The following DMD variants were observed in gnomAD, a reference collection of about 807,000 sequenced individuals.
DMD encodes the protein dystrophin.
Under a neutral mutation model 330.1 loss-of-function variants are expected in DMD, and 63 were observed. The observed-to-expected ratio is 0.19, with a 90% CI of 0.16 to 0.24. The LOEUF is 0.24. Ranked by LOEUF, DMD falls within the 10% of genes least tolerant of loss-of-function variation. The pLI is 1.00. For missense variants in DMD, 3,344 were observed against 2,684.1 expected (o/e 1.25, Z -5.43); for synonymous variants, 1,223 against 959.8 (o/e 1.27, Z -5.07).
At chrX:31,396,548 G>GTTTT (rs56745544) in intron 60 of DMD, among the ~76,000 whole-genome samples, 23 of 66,041 alleles carry the variant, frequency 3.5e-4, no homozygotes, top group East Asian at 5.8e-4. Context: ...AAATCCCAGG[G>GTTTT]TTTTTTTTTT....
intron 30 of DMD, among the ~76,000 whole-genome samples, chrX:32,397,563 T>C (rs1232355882): frequency 8.9e-6 from 1 of 112,137 alleles, no homozygotes; most frequent in African/African-American, 3.2e-5. Flanking sequence ...CATTTGAGCA[T>C]GCAGTAACTA....
chrX:31,883,693 C>T (rs961189151), intron 47 of DMD, among the ~76,000 whole-genome samples: 16 of 110,750 alleles, frequency 1.4e-4, no homozygotes, highest in East Asian at 2.8e-4. Context: ...AAATATGTTG[C>T]GTCCATTAAA....
At chrX:32,636,855 G>T (rs964100935) in intron 11 of DMD, among the ~76,000 whole-genome samples, 6 of 109,506 alleles carry the variant, frequency 5.5e-5, no homozygotes, top group African/African-American at 1.0e-4. Flanking sequence ...AAAGTTAGCC[G>T]AGCGTGGTGG....
chrX:31,191,425 C>T (rs181505769), intron 67 of DMD, among the ~76,000 whole-genome samples: 2 of 111,532 alleles, frequency 1.8e-5, no homozygotes, highest in Non-Finnish European at 3.8e-5. Flanking sequence ...GCTGTGTCCC[C>T]ACCCAAATCT....
chrX:32,091,464 C>T (rs1481373476), intron 44 of DMD, among the ~76,000 whole-genome samples: 1 of 111,057 alleles, frequency 9.0e-6, no homozygotes, highest in Non-Finnish European at 1.9e-5. Context: ...GAAACCAATG[C>T]TCTGGATAAC....
chrX:31,190,896 C>T (rs2042277913), intron 67 of DMD, among the ~76,000 whole-genome samples: 2 of 111,596 alleles, frequency 1.8e-5, no homozygotes, highest in Non-Finnish European at 3.8e-5. Flanking sequence ...AAGCCGGCAA[C>T]TATCCTCTAC....
At chrX:31,849,130 A>C (rs1408030435) in intron 48 of DMD, among the ~76,000 whole-genome samples, 1 of 110,327 alleles carries the variant, frequency 9.1e-6, no homozygotes, top group East Asian at 2.8e-4. Context: ...TAACCTTAGA[A>C]TATATGATTA....
rs189988373 is a variant in DMD at position 32,943,403 on chromosome X, C to T, written c.93+76736G>A. On this transcript the variant is annotated intron_variant, in intron 2 of 78. Transcript: ENST00000357033. ...ATTTTAATATATATGCATATATAAG[C>T]GGGATCATAATACAGCATTATATGT... Among the ~76,000 whole-genome samples, 84 of 110,913 alleles carry T rather than the reference C, an allele frequency of 7.6e-4. 1 individual carries two copies. The highest frequency in any genetic ancestry group is 1.5e-3 in the South Asian group (4 of 2,647).
intron 51 of DMD, among the ~76,000 whole-genome samples, chrX:31,740,084 G>T (rs1012493194): frequency 2.7e-5 from 3 of 110,821 alleles, no homozygotes; most frequent in Admixed American, 9.6e-5. Flanking sequence ...TCACAAGCCA[G>T]TAAGTAAATA....
intron 42 of DMD, among the ~76,000 whole-genome samples, chrX:32,288,984 A>G (rs756147878): frequency 5.4e-5 from 6 of 111,749 alleles, no homozygotes; most frequent in Admixed American, 3.8e-4. Flanking sequence ...CTGGGCATGT[A>G]TTGGAATCAG....
At chrX:31,834,038 T>C (rs779191895) in intron 49 of DMD, among the ~76,000 whole-genome samples, 14 of 111,379 alleles carry the variant, frequency 1.3e-4, no homozygotes, top group Non-Finnish European at 2.4e-4. Context: ...TTTCCTCTTC[T>C]ATTAAGAGGT....
chrX:32,851,484 G>A (rs1258733250), intron 2 of DMD, among the ~76,000 whole-genome samples: 1 of 112,133 alleles, frequency 8.9e-6, no homozygotes. Flanking sequence ...AGAACAAGAC[G>A]GTCAAATACA....
chrX:31,901,450 A>G (rs1163635627), intron 47 of DMD, among the ~76,000 whole-genome samples: 1 of 111,523 alleles, frequency 9.0e-6, no homozygotes, highest in Non-Finnish European at 1.9e-5. Context: ...GTCCAAGGCC[A>G]TTTTGCTTCT....
At chrX:31,255,676 T>A (rs770578954) in intron 63 of DMD, among the ~76,000 whole-genome samples, 1 of 108,304 alleles carries the variant, frequency 9.2e-6, no homozygotes, top group Non-Finnish European at 1.9e-5. Context: ...TCTTGAAAAA[T>A]AATGATCACA....
chrX:32,401,013 G>T (rs1404438529), intron 30 of DMD, among the ~76,000 whole-genome samples: 7 of 110,677 alleles, frequency 6.3e-5, no homozygotes, highest in African/African-American at 2.3e-4. Context: ...AAAAAAGGAT[G>T]AGTTCATGTC....
At chrX:31,667,923 C>T (rs1433712874) in intron 53 of DMD, among the ~76,000 whole-genome samples, 1 of 111,951 alleles carries the variant, frequency 8.9e-6, no homozygotes, top group Non-Finnish European at 1.9e-5. Context: ...TTCATCTTCT[C>T]AACACTTGTT....
intron 29 of DMD, among the ~76,000 whole-genome samples, chrX:32,423,015 T>G (rs1220191689): frequency 9.0e-6 from 1 of 111,047 alleles, no homozygotes; most frequent in African/African-American, 3.3e-5. Flanking sequence ...ATTGACAAGT[T>G]TCATTAACAT....
chrX:32,335,377 T>C (rs1324700755), intron 41 of DMD, among the ~76,000 whole-genome samples: 1 of 105,213 alleles, frequency 9.5e-6, no homozygotes, highest in African/African-American at 3.4e-5. Flanking sequence ...ATTTTATATA[T>C]AAAACATATA....
intron 7 of DMD, among the ~76,000 whole-genome samples, chrX:32,770,987 G>C (rs2148459023): frequency 9.0e-6 from 1 of 111,530 alleles, no homozygotes; most frequent in African/African-American, 3.3e-5. Context: ...TGAATCCTGT[G>C]ATGACTCTCT....
Sources: allele counts gnomAD v4.1 joint callset (sites outside exome capture counted in the v4.1 genomes callset), GRCh38; gene constraint gnomAD v4.1.1; transcripts MANE v1.5; gene names NCBI Gene and HGNC (gene_info 2026-07-23, HGNC 2026-07-21).